Variants in ARHGEF10 observed in about 807,000 individuals in gnomAD.
ARHGEF10 encodes the protein Rho guanine nucleotide exchange factor (GEF) 10.
Under a neutral mutation model 147.4 loss-of-function variants are expected in ARHGEF10, and 140 were observed. That is an observed-to-expected ratio of 0.95 (90% CI 0.83 to 1.09). The LOEUF (loss-of-function observed/expected upper bound fraction) is 1.09. ARHGEF10 is among the 50% of genes least tolerant of loss of function. The pLI is 0.00. For synonymous variants in ARHGEF10, 902 were observed against 695.8 expected, an observed-to-expected ratio of 1.30 and a Z score of -4.67; for missense variants, 2,222 against 1,752.7, an observed-to-expected ratio of 1.27 and a Z score of -4.78.
At chr8:1,890,371 TGAG>T (rs1199082334) in intron 11 of ARHGEF10, among the ~76,000 whole-genome samples, 1 of 138,734 alleles carries the variant, frequency 7.2e-6, no homozygotes, top group African/African-American at 2.8e-5. Context: ...CTGAGTTGGG[TGAG>T]GAGTCTGTGA....
intron 26 of ARHGEF10, among the ~76,000 whole-genome samples, chr8:1,944,460 T>C (rs1814394505): frequency 6.6e-6 from 1 of 152,192 alleles, no homozygotes; most frequent in Non-Finnish European, 1.5e-5. Flanking sequence ...GCCCGCCGGG[T>C]TCACTGGGCT....
chr8:1,853,917 C>G (rs545746678), intron 2 of ARHGEF10, among the ~76,000 whole-genome samples: 96 of 152,356 alleles, frequency 6.3e-4, no homozygotes, highest in African/African-American at 2.2e-3. Flanking sequence ...CGAGCCTGCT[C>G]TAGCACAGCC....
At chr8:1,932,514 G>A (rs895856040) in intron 25 of ARHGEF10, among the ~76,000 whole-genome samples, 31 of 152,126 alleles carry the variant, frequency 2.0e-4, no homozygotes, top group Non-Finnish European at 2.1e-4. Flanking sequence ...GCATGTGCAC[G>A]TGTGTGTGTG....
At chr8:1,833,046 A>G (rs1403447196) in intron 1 of ARHGEF10, among the ~76,000 whole-genome samples, 6 of 119,482 alleles carry the variant, frequency 5.0e-5, no homozygotes, top group Non-Finnish European at 7.1e-5. Flanking sequence ...AGAGACAGAG[A>G]CAGAGGCAGA....
rs139428985 is a variant in ARHGEF10 at position 1,884,043 on chromosome 8, G to C, written c.1075+1294G>C. On this transcript the variant is annotated intron_variant, in intron 10 of 28. Coordinates refer to ENST00000349830, the MANE Select transcript of ARHGEF10 (RefSeq NM_014629.4). Reference sequence around the variant, plus strand: ...AGCCCCTGGGAGCAGGTCATGCTTTGTCTCTGGTTTAGGGGTACTCTTTTG... The same window carrying C: ...AGCCCCTGGGAGCAGGTCATGCTTTCTCTCTGGTTTAGGGGTACTCTTTTG... Among the ~76,000 whole-genome samples the C allele has an allele frequency of 5.6e-3, 858 of 152,254 alleles. 5 individuals are homozygous for C. Among genetic ancestry groups the C allele is most frequent in the African/African-American group, 0.019 (800 of 41,544 alleles).
chr8:1,945,799 C>T (rs1814531274), intron 27 of ARHGEF10, 144 bp downstream of exon 27: 1 of 1,247,828 alleles, frequency 8.0e-7, no homozygotes. Context: ...TGGGACAAGG[C>T]CCAGGGACAG....
chr8:1,906,748 G>A (rs1322042142), intron 17 of ARHGEF10, among the ~76,000 whole-genome samples: 2 of 152,200 alleles, frequency 1.3e-5, no homozygotes, highest in Non-Finnish European at 2.9e-5. Context: ...AATGCCAGTG[G>A]TACGCTCTTG....
chr8:1,955,758 C>T (rs1241169737), intron 28 of ARHGEF10, among the ~76,000 whole-genome samples: 1 of 152,274 alleles, frequency 6.6e-6, no homozygotes, highest in African/African-American at 2.4e-5. Context: ...ACACATCAAG[C>T]CTCTGTATAT....
intron 25 of ARHGEF10, among the ~76,000 whole-genome samples, chr8:1,930,276 G>A (rs1323331663): frequency 1.3e-5 from 2 of 152,004 alleles, no homozygotes; most frequent in Non-Finnish European, 2.9e-5. Flanking sequence ...CGACGCCTTG[G>A]CGGGTCCTGT....
Position 1,957,077 on chromosome 8 carries a change from TCTC to T in ARHGEF10, c.3852_3854del (p.Leu1285del), listed in dbSNP as rs764323978. The T allele has an allele frequency of 1.7e-5, 27 of 1,613,440 alleles. No homozygotes were observed. In the African/African-American group the frequency reaches 3.2e-4, roughly 19 times the overall value. On this transcript the variant is annotated inframe_deletion, in exon 29 of 29. Transcript: ENST00000349830. Reference sequence around the variant, plus strand: ...GATCAGAGGACAGCACCATCTATGATCTCCTGAAGGATCCTGTCTCGCTGAGAA... The same window carrying T: ...GATCAGAGGACAGCACCATCTATGATCTGAAGGATCCTGTCTCGCTGAGAA...
chr8:1,826,752 A>C (rs1276889234), intron 1 of ARHGEF10, among the ~76,000 whole-genome samples: 1 of 152,244 alleles, frequency 6.6e-6, no homozygotes, highest in Non-Finnish European at 1.5e-5. Flanking sequence ...TTTACTGCAC[A>C]GTGTGTGGCA....
chr8:1,946,676 G>A (rs947660265), intron 27 of ARHGEF10, among the ~76,000 whole-genome samples: 4 of 152,188 alleles, frequency 2.6e-5, no homozygotes, highest in Non-Finnish European at 4.4e-5. Context: ...CGAAATCTGG[G>A]GAGACACAAA....
Position 1,923,615 on chromosome 8 carries a change from C to T in ARHGEF10, c.2387+20C>T, listed in dbSNP as rs765663189. ...GGACAAGTTAGTAGTAGCTTTAAAACGAAACCTTCTTGGCCAATGCTGGGG... is the reference window on the plus strand; with the variant it reads ...GGACAAGTTAGTAGTAGCTTTAAAATGAAACCTTCTTGGCCAATGCTGGGG... On this transcript the variant is annotated intron_variant, in intron 20 of 28. Transcript: ENST00000349830. 2.5e-5 allele frequency: 40 copies of T among 1,614,016 alleles called. No individual in the cohort carries two copies. Among genetic ancestry groups the T allele is most frequent in the East Asian group, 4.5e-5 (2 of 44,900 alleles).
At chr8:1,885,057 A>G (rs931661377) in intron 10 of ARHGEF10, among the ~76,000 whole-genome samples, 6 of 152,108 alleles carry the variant, frequency 3.9e-5, no homozygotes, top group Admixed American at 1.3e-4. Flanking sequence ...GAGCCACCCC[A>G]CCCAACTGTG....
At chr8:1,926,802 G>C in intron 23 of ARHGEF10, 2 of 355,576 alleles carry the variant, frequency 5.6e-6, no homozygotes, top group Non-Finnish European at 1.1e-5. Context: ...CTTGTTCCAA[G>C]ACTGGCTTTT....
intron 18 of ARHGEF10, 73 bp downstream of exon 18, chr8:1,909,543 C>CA (rs745883922): frequency 7.6e-6 from 12 of 1,579,096 alleles, no homozygotes; most frequent in Non-Finnish European, 1.0e-5. Flanking sequence ...GCTGTGGGGC[C>CA]AGCGTAAGCT....
At chr8:1,856,030 T>A (rs1194217800) in intron 2 of ARHGEF10, among the ~76,000 whole-genome samples, 1 of 152,156 alleles carries the variant, frequency 6.6e-6, no homozygotes, top group African/African-American at 2.4e-5. Context: ...AATTAGCGGT[T>A]CTGTCCATTC....
At chr8:1,952,500 T>C (rs1815137029) in intron 27 of ARHGEF10, among the ~76,000 whole-genome samples, 1 of 152,218 alleles carries the variant, frequency 6.6e-6, no homozygotes, top group African/African-American at 2.4e-5. Flanking sequence ...CAGGTGCAGG[T>C]GCAGGGTATG....
intron 11 of ARHGEF10, 47 bp downstream of exon 11, chr8:1,885,754 C>A: frequency 7.1e-7 from 1 of 1,414,342 alleles, no homozygotes; most frequent in Non-Finnish European, 1.0e-6. Flanking sequence ...CAGAGCTGTG[C>A]TAGTTTTTAA....
Sources: allele counts gnomAD v4.1 joint callset (sites outside exome capture counted in the v4.1 genomes callset), GRCh38; gene constraint gnomAD v4.1.1; transcripts MANE v1.5; gene names NCBI Gene and HGNC (gene_info 2026-07-23, HGNC 2026-07-21).